The following RBP3 variants were observed in gnomAD, a reference collection of about 807,000 sequenced individuals.
RBP3 encodes the protein retinol-binding protein 3.
In RBP3, 50 loss-of-function variants were observed where a neutral mutation model predicts 64.8. That is an observed-to-expected ratio of 0.77 (90% CI 0.61 to 0.98). RBP3 has a LOEUF of 0.98. RBP3 is among the 50% of genes least tolerant of loss of function. RBP3 has a pLI of 0.00. For synonymous variants in RBP3, 828 were observed against 730.2 expected, an observed-to-expected ratio of 1.13 and a Z score of -2.16; for missense variants, 1,712 against 1,660.5, an observed-to-expected ratio of 1.03 and a Z score of -0.54.
At chr10:47,352,549 T>C (rs1381950117) in intron 1 of RBP3, among the ~76,000 whole-genome samples, 5 of 152,198 alleles carry the variant, frequency 3.3e-5, no homozygotes, top group Non-Finnish European at 7.3e-5. Flanking sequence ...GGGAGTGGCC[T>C]GAGGCCAGAG....
In RBP3 at chr10:47,350,079, G is replaced by A. The variant is rs1555211261; in HGVS notation, c.1595G>A (p.Ser532Asn). 6 of 1,612,922 alleles carry A rather than the reference G, an allele frequency of 3.7e-6. No individual in the cohort carries two copies. Among genetic ancestry groups the A allele is most frequent in the Admixed American group, 3.3e-5 (2 of 59,992 alleles). Residue 532 changes from serine (S) to asparagine (N), a missense_variant, in exon 1 of 4, where the codon AGC becomes AAC. Coordinates refer to ENST00000584701, the MANE Select transcript of RBP3 (RefSeq NM_002900.3). ...SHMELPGPRY[S>N]TQRGVYLLTS... The stretch of plus-strand genomic sequence containing the variant: ...ATGGAGCTCCCGGGCCCACGCTACA[G>A]CACCCAACGTGGGGTGTATCTGCTC...
chr10:47,356,802 T>C (rs528356765), intron 3 of RBP3, among the ~76,000 whole-genome samples: 2 of 152,314 alleles, frequency 1.3e-5, no homozygotes, highest in East Asian at 3.9e-4. Context: ...TCATTATTCA[T>C]GAAGAGAGAG....
In RBP3 at chr10:47,357,374, G is replaced by C. The variant is rs555568551; in HGVS notation, c.3661G>C (p.Glu1221Gln). ...ACCCCATGTGGTTGTCCCTGCAGAA[G>C]AGGCTCTCGCCAGGGCCAAGGAGAT... ...VTPHVVVPAE[E>Q]ALARAKEMLQ... Residue 1221 changes from glutamate to glutamine, a missense_variant, in exon 4 of 4, where the codon GAG (glutamate) becomes CAG (glutamine). Coordinates refer to ENST00000584701, the MANE Select transcript of RBP3 (RefSeq NM_002900.3). 6.2e-7 allele frequency: 1 copy of C among 1,614,190 alleles called. No individual in the cohort carries two copies. The highest frequency in any genetic ancestry group is 1.1e-5 in the South Asian group (1 of 91,086).
In RBP3 at chr10:47,348,984, T is replaced by C. The variant is rs895832185; in HGVS notation, c.500T>C (p.Leu167Pro). ...CTCATGGGCACCTCCGCCTTAGTGCTGGATCTCCGGCACTGCACAGGAGGC... is the reference window on the plus strand; with the variant it reads ...CTCATGGGCACCTCCGCCTTAGTGCCGGATCTCCGGCACTGCACAGGAGGC... ...GNLMGTSALV[L>P]DLRHCTGGQV... The change falls in exon 1 of 4, where the codon CTG becomes CCG. Residue 167 changes from leucine to proline, a missense_variant. Physicochemically the swap from Leu to Pro is moderately conservative, Grantham distance 98. Transcript: ENST00000584701. 6.2e-7 allele frequency: 1 copy of C among 1,613,870 alleles called. No individual in the cohort carries two copies. The highest frequency in any genetic ancestry group is 1.3e-5 in the African/African-American group (1 of 74,910).
At position 47,353,360 on chromosome 10, in the gene RBP3, G is replaced by C. The variant is rs1403864985; in HGVS notation, c.3090G>C (p.Lys1030Asn). 2 of 1,614,094 alleles carry C rather than the reference G, an allele frequency of 1.2e-6. No individual in the cohort carries two copies. Among genetic ancestry groups the C allele is most frequent in the South Asian group, 1.1e-5 (1 of 91,086 alleles). ...CTGAAGTATTTGAAGAGCTGATCAAGTTTTCCTTCCACACTAACGTGCTTG... is the reference window on the plus strand; with the variant it reads ...CTGAAGTATTTGAAGAGCTGATCAACTTTTCCTTCCACACTAACGTGCTTG... ...PSPEVFEELI[K>N]FSFHTNVLED... Residue 1030 changes from lysine (K) to asparagine (N), a missense_variant, in exon 2 of 4, where the codon AAG becomes AAC. Lys to Asn is a moderately conservative substitution (Grantham distance 94, BLOSUM62 0). Transcript: ENST00000584701.
rs1837033716 is a variant in RBP3 at position 47,355,476 on chromosome 10, G to A, written c.3346G>A (p.Asp1116Asn). 1.2e-6 allele frequency: 2 copies of A among 1,614,104 alleles called. No individual in the cohort carries two copies. Among genetic ancestry groups the A allele is most frequent in the Admixed American group, 1.7e-5 (1 of 60,012 alleles). ...GCTGGACAAGATCTACAGCCGGCCT[G>A]ATGACTCTGTCAGTGAACTCTGGAC... Reference protein sequence around the residue: ...VLLDKIYSRPDDSVSELWTHA... With the variant: ...VLLDKIYSRPNDSVSELWTHA... The change falls in exon 3 of 4, where the codon GAT becomes AAT. Residue 1116 changes from aspartate (D) to asparagine (N), a missense_variant. Coordinates refer to ENST00000584701, the MANE Select transcript of RBP3 (RefSeq NM_002900.3).
At chr10:47,355,645 C>T in intron 3 of RBP3, 127 bp downstream of exon 3, 1 of 1,188,504 alleles carries the variant, frequency 8.4e-7, no homozygotes, top group Non-Finnish European at 1.2e-6. Flanking sequence ...AGTCCAGGCA[C>T]TAGATGTGCA....
At position 47,349,195 on chromosome 10, in the gene RBP3, C is replaced by T. The variant is rs782037930; in HGVS notation, c.711C>T (p.Gly237=). Residue 237 remains glycine (G), a synonymous_variant, in exon 1 of 4, where the codon GGC becomes GGT. Coordinates refer to ENST00000584701, the MANE Select transcript of RBP3 (RefSeq NM_002900.3). ...TCCTCACCAGCAGCCAGACCAGGGG[C>T]GTGGCCGAGGACATCGCGCACATCC... ...VVVLTSSQTR[G]VAEDIAHILK... 1.1e-5 allele frequency: 17 copies of T among 1,613,664 alleles called. No homozygotes were observed. Among genetic ancestry groups the T allele is most frequent in the Admixed American group, 3.3e-5 (2 of 60,032 alleles).
In RBP3 at chr10:47,350,299, C is replaced by A; in HGVS notation, c.1815C>A (p.Ala605=). Residue 605 remains alanine (A), a synonymous_variant, in exon 1 of 4, where the codon GCC becomes GCA. Coordinates refer to ENST00000584701, the MANE Select transcript of RBP3 (RefSeq NM_002900.3). ...CCTTCATCGACAATCACGGCGAGGCCTGGCTGGGTGGTGGAGTGGTGCCCG... is the reference window on the plus strand; with the variant it reads ...CCTTCATCGACAATCACGGCGAGGCATGGCTGGGTGGTGGAGTGGTGCCCG... ...VLTFIDNHGE[A]WLGGGVVPDA... The A allele has an allele frequency of 6.2e-7, 1 of 1,609,876 alleles. No individual in the cohort carries two copies. The highest frequency in any genetic ancestry group is 8.5e-7 in the Non-Finnish European group (1 of 1,179,930).
chr10:47,357,613 C>T lies in RBP3; in HGVS notation c.*156C>T, dbSNP rs1038417369. On this transcript the variant is annotated 3_prime_UTR_variant, in exon 4 of 4. Transcript: ENST00000584701. Reference sequence around the variant, plus strand: ...ACAGCTGGAGGTGTGTATATATACACACACACACATGTATATACACATATA... The same window carrying T: ...ACAGCTGGAGGTGTGTATATATACATACACACACATGTATATACACATATA... 3.1e-5 allele frequency: 19 copies of T among 611,404 alleles called. No homozygotes were observed. The African/African-American group carries it at 3.1e-4, about 10-fold the overall frequency. 37.9% of individuals were successfully genotyped at this position (611,404 alleles called of 1,614,324 possible).
Position 47,349,237 on chromosome 10 carries a change from G to C in RBP3, c.753G>C (p.Arg251Ser), listed in dbSNP as rs139449734. 6.2e-7 allele frequency: 1 copy of C among 1,613,402 alleles called. No homozygotes were observed. Among genetic ancestry groups the C allele is most frequent in the Non-Finnish European group, 8.5e-7 (1 of 1,180,022 alleles). ...DIAHILKQMR[R>S]AIVVGERTGG... is the part of the protein sequence containing the mutation. ...CGCACATCCTTAAGCAGATGCGCAG[G>C]GCCATCGTGGTGGGCGAGCGGACTG... The change falls in exon 1 of 4, where the codon AGG becomes AGC. Residue 251 changes from arginine (R) to serine (S), a missense_variant. By Grantham distance (110) the Arg-to-Ser change is moderately radical. Transcript: ENST00000584701.
chr10:47,350,095 G>T lies in RBP3; in HGVS notation c.1611G>T (p.Val537=). ...PGPRYSTQRG[V]YLLTSHRTAT... The stretch of plus-strand genomic sequence containing the variant: ...CACGCTACAGCACCCAACGTGGGGT[G>T]TATCTGCTCACCAGCCACCGCACCG... Residue 537 remains valine, a synonymous_variant, in exon 1 of 4, where the codon GTG becomes GTT. Coordinates refer to ENST00000584701, the MANE Select transcript of RBP3 (RefSeq NM_002900.3). 1 of 1,613,032 alleles carries T rather than the reference G, an allele frequency of 6.2e-7. No individual in the cohort carries two copies. Among genetic ancestry groups the T allele is most frequent in the Non-Finnish European group, 8.5e-7 (1 of 1,180,006 alleles).
rs564664463 is a variant in RBP3, at chr10:47,352,337, T to C, written c.3054+799T>C. Among the ~76,000 whole-genome samples the C allele has an allele frequency of 3.3e-5, 5 of 152,314 alleles. No homozygotes were observed. The East Asian group carries it at 7.7e-4, about 24-fold the overall frequency. Reference sequence around the variant, plus strand: ...GTCCCGCATTGGCCAAGAGTTGCCCTGAGACATGCCTCAGGGTGGGGCAGG... The same window carrying C: ...GTCCCGCATTGGCCAAGAGTTGCCCCGAGACATGCCTCAGGGTGGGGCAGG... On this transcript the variant is annotated intron_variant, in intron 1 of 3. Transcript: ENST00000584701.
At position 47,350,480 on chromosome 10, in the gene RBP3, G is replaced by A; in HGVS notation, c.1996G>A (p.Ala666Thr). ...GGGGCAGACCAGTGCCCTCCTGCGG[G>A]CCAAGCTGGCCCAGGGCGCCTACCG... ...VVGQTSALLR[A>T]KLAQGAYRTA... The change falls in exon 1 of 4, where the codon GCC (alanine) becomes ACC (threonine). Residue 666 changes from alanine (A) to threonine (T), a missense_variant. Transcript: ENST00000584701. The A allele has an allele frequency of 6.2e-7, 1 of 1,612,612 alleles. No homozygotes were observed. Among genetic ancestry groups the A allele is most frequent in the Non-Finnish European group, 8.5e-7 (1 of 1,180,010 alleles).
At chr10:47,351,914 G>A (rs558921834) in intron 1 of RBP3, among the ~76,000 whole-genome samples, 1 of 152,350 alleles carries the variant, frequency 6.6e-6, no homozygotes, top group African/African-American at 2.4e-5. Context: ...GAAGGTGAGT[G>A]TTGGCAGGGC....
rs1243851533 is a variant in RBP3 at position 47,350,959 on chromosome 10, C to G, written c.2475C>G (p.Thr825=). The change falls in exon 1 of 4, where the codon ACC becomes ACG. Residue 825 remains threonine (T), a synonymous_variant. Coordinates refer to ENST00000584701, the MANE Select transcript of RBP3 (RefSeq NM_002900.3). ...CCTCAAAAGTCACGGAGGTGTGGAC[C>G]TTGCCCCAGGTCGCCGGCCAGCGCT... ...RATSKVTEVW[T]LPQVAGQRYG... is the part of the protein sequence containing the mutation. 1.1e-5 allele frequency: 17 copies of G among 1,612,804 alleles called. No individual in the cohort carries two copies. The highest frequency in any genetic ancestry group is 1.4e-5 in the Non-Finnish European group (17 of 1,180,014).
chr10:47,353,502 A>G lies in RBP3; in HGVS notation c.3232A>G (p.Ile1078Val), dbSNP rs1451503246. ...WKKIMHTDAM[I>V]IDMRFNIGGP... ...GAAGATCATGCACACGGATGCCATGATCATCGACATGAGGTCAGTGGCCAG... is the reference window on the plus strand; with the variant it reads ...GAAGATCATGCACACGGATGCCATGGTCATCGACATGAGGTCAGTGGCCAG... The change falls in exon 2 of 4, where the codon ATC becomes GTC. Residue 1078 changes from isoleucine (I) to valine (V), a missense_variant. Transcript: ENST00000584701. 1.2e-6 allele frequency: 2 copies of G among 1,613,932 alleles called. No individual in the cohort carries two copies. Among genetic ancestry groups the G allele is most frequent in the Middle Eastern group, 1.6e-4 (1 of 6,078 alleles).
intron 1 of RBP3, among the ~76,000 whole-genome samples, chr10:47,352,524 C>T (rs547621921): frequency 1.2e-4 from 18 of 152,308 alleles, no homozygotes; most frequent in African/African-American, 2.2e-4. Context: ...AACTGAGGCC[C>T]GGAGAGGAGC....
rs1239065274 is a variant in RBP3, at chr10:47,353,535, T to G, written c.3245+20T>G. The G allele has an allele frequency of 6.2e-7, 1 of 1,613,094 alleles. No individual in the cohort carries two copies. Among genetic ancestry groups the G allele is most frequent in the East Asian group, 2.2e-5 (1 of 44,874 alleles). On this transcript the variant is annotated intron_variant, in intron 2 of 3. Coordinates refer to ENST00000584701, the MANE Select transcript of RBP3 (RefSeq NM_002900.3). The stretch of plus-strand genomic sequence containing the variant: ...CATGAGGTCAGTGGCCAGGGGTCAG[T>G]GCTTCCTAGCCAGGACGCAGGGCTG...
Sources: gnomAD v4.1 joint callset for allele counts (sites outside exome capture counted in the v4.1 genomes callset) on GRCh38, gnomAD v4.1.1 for gene constraint, MANE v1.5 for transcripts, NCBI Gene and HGNC (gene_info 2026-07-23, HGNC 2026-07-21) for gene names.